Variants in PCDHA3 observed in about 807,000 individuals in gnomAD.
PCDHA3 encodes protocadherin alpha 3.
Under a neutral mutation model 62.2 loss-of-function variants are expected in PCDHA3, and 41 were observed. That is an observed-to-expected ratio of 0.66 (90% CI 0.51 to 0.86). The LOEUF is 0.86. PCDHA3 is among the 40% of genes least tolerant of loss of function. PCDHA3 has a pLI of 0.00. For synonymous variants in PCDHA3, 640 were observed against 555.4 expected (o/e 1.15, Z -2.14); for missense variants, 1,304 against 1,241.2 (o/e 1.05, Z -0.76).
At chr5:140,872,606 AT>A (rs1302987061) in intron 1 of PCDHA3, among the ~76,000 whole-genome samples, 2 of 151,888 alleles carry the variant, frequency 1.3e-5, no homozygotes, top group African/African-American at 2.4e-5. Flanking sequence ...TGAAAAAATA[AT>A]TTTTTTTGCC....
rs2060245016 is a variant in PCDHA3 at position 140,884,536 on chromosome 5, G to C, written c.2394+80945G>C. 5 of 1,614,090 alleles carry C rather than the reference G, an allele frequency of 3.1e-6. No individual in the cohort carries two copies. In the East Asian group the frequency reaches 1.1e-4, roughly 36 times the overall value. ...GGTCGTACTCGCAGCAGAGGCGGCC[G>C]AGGGTGTGCTCTGGGGAGGGCCCGC... On this transcript the variant is annotated intron_variant, in intron 1 of 3. Transcript: ENST00000522353.
intron 1 of PCDHA3, among the ~76,000 whole-genome samples, chr5:140,949,849 G>A (rs1381006146): frequency 5.9e-5 from 9 of 151,472 alleles, no homozygotes; most frequent in Admixed American, 2.0e-4. Flanking sequence ...TTCTGTTTCC[G>A]CTTATCTGTT....
rs2150375246 is a variant in PCDHA3, at chr5:140,844,933, C to T, written c.2394+41342C>T. Among the ~76,000 whole-genome samples the T allele has an allele frequency of 2.7e-5, 4 of 149,222 alleles. 1 individual carries two copies. Among genetic ancestry groups the T allele is most frequent in the Admixed American group, 6.7e-5 (1 of 14,882 alleles). ...GTAGAAATTGATGGAAGGGAATGAA[C>T]GATTTCTGGGACTCTGAATTCTTAC... On this transcript the variant is annotated intron_variant, in intron 1 of 3. Transcript: ENST00000522353.
intron 3 of PCDHA3, among the ~76,000 whole-genome samples, chr5:141,008,567 T>C (rs1171779674): frequency 1.3e-5 from 2 of 152,182 alleles, no homozygotes; most frequent in African/African-American, 4.8e-5. Flanking sequence ...TGCATAATCA[T>C]TTTCCCAAGA....
chr5:140,858,235 A>C, intron 1 of PCDHA3: 2 of 1,596,218 alleles, frequency 1.3e-6, no homozygotes, highest in Non-Finnish European at 1.7e-6. Flanking sequence ...CCGAGGGCGC[A>C]TGTGGGCCGG....
rs2150166154 is a variant in PCDHA3, at chr5:140,829,340, A to G, written c.2394+25749A>G. On this transcript the variant is annotated intron_variant, in intron 1 of 3. Coordinates refer to ENST00000522353, the MANE Select transcript of PCDHA3 (RefSeq NM_018906.3). ...GCTGGACAGTGCCCTGGACCGCGAG[A>G]GCGTGTCGGCCTATGAGTTGGTGGT... is the stretch of plus-strand genomic sequence containing the variant. 2.5e-6 allele frequency: 4 copies of G among 1,614,216 alleles called. No homozygotes were observed. In the South Asian group the frequency reaches 4.4e-5, roughly 18 times the overall value.
intron 3 of PCDHA3, among the ~76,000 whole-genome samples, chr5:140,991,593 C>T (rs2097461164): frequency 6.6e-6 from 1 of 152,196 alleles, no homozygotes; most frequent in South Asian, 2.1e-4. Flanking sequence ...TCTACCTGAG[C>T]CCTCACTGGC....
rs782027925 is a variant in PCDHA3, at chr5:140,877,333, C to G, written c.2394+73742C>G. The G allele has an allele frequency of 2.5e-6, 4 of 1,613,992 alleles. No individual in the cohort carries two copies. The South Asian group carries it at 3.3e-5, about 13-fold the overall frequency. Reference sequence around the variant, plus strand: ...ACCGGCGGCGGTCGGCGCGCACATCCCGTTCCACGTGGGGCTGTACACTGG... The same window carrying G: ...ACCGGCGGCGGTCGGCGCGCACATCGCGTTCCACGTGGGGCTGTACACTGG... On this transcript the variant is annotated intron_variant, in intron 1 of 3. Transcript: ENST00000522353.
chr5:140,842,811 G>T (rs1554139410), intron 1 of PCDHA3: 3 of 1,594,022 alleles, frequency 1.9e-6, no homozygotes, highest in Non-Finnish European at 2.6e-6. Flanking sequence ...CTTGTGGAGC[G>T]GCGGGTGGGC....
At chr5:140,848,664 G>A (rs1470524559) in intron 1 of PCDHA3, 6 of 1,592,252 alleles carry the variant, frequency 3.8e-6, no homozygotes, top group Non-Finnish European at 4.3e-6. Context: ...GCTGGAGCTG[G>A]CGGAGCTGGT....
At chr5:140,895,115 T>C (rs2064854715) in intron 1 of PCDHA3, among the ~76,000 whole-genome samples, 1 of 152,182 alleles carries the variant, frequency 6.6e-6, no homozygotes, top group Non-Finnish European at 1.5e-5. Flanking sequence ...CAAGAAGACA[T>C]TTGTTAGTTG....
intron 1 of PCDHA3, among the ~76,000 whole-genome samples, chr5:140,897,765 C>T (rs1305140331): frequency 6.6e-6 from 1 of 152,216 alleles, no homozygotes; most frequent in Admixed American, 6.5e-5. Flanking sequence ...AATCGCCACA[C>T]TGACTTCCAC....
At chr5:140,882,069 G>T in intron 1 of PCDHA3, 1 of 844,446 alleles carries the variant, frequency 1.2e-6, no homozygotes, top group Non-Finnish European at 1.8e-6. Flanking sequence ...ACGTTCATGC[G>T]CATGGTGTCG....
intron 1 of PCDHA3, among the ~76,000 whole-genome samples, chr5:140,820,375 TA>T (rs1487891425): frequency 6.6e-6 from 1 of 152,006 alleles, no homozygotes; most frequent in Non-Finnish European, 1.5e-5. Context: ...CATTTTCTGG[TA>T]ATTTCTTTTT....
Position 140,849,746 on chromosome 5 carries a change from T to G in PCDHA3, c.2394+46155T>G, listed in dbSNP as rs2150447912. On this transcript the variant is annotated intron_variant, in intron 1 of 3. Transcript: ENST00000522353. ...TGGACAGAGCTCTGGACCGCGAGAG[T>G]GTGTCCGCCTACGAGCTGGTGGTTA... The G allele has an allele frequency of 2.3e-5, 37 of 1,597,844 alleles. 5 individuals carry two copies. Among genetic ancestry groups the G allele is most frequent in the Admixed American group, 6.8e-5 (4 of 59,208 alleles).
chr5:140,843,522 C>A lies in PCDHA3; in HGVS notation c.2394+39931C>A, dbSNP rs1554140167. 1.9e-6 allele frequency: 3 copies of A among 1,595,678 alleles called. No individual in the cohort carries two copies. In the South Asian group the frequency reaches 3.3e-5, roughly 18 times the overall value. On this transcript the variant is annotated intron_variant, in intron 1 of 3. Transcript: ENST00000522353. ...CTGCCCACTGAGGGCGGGTGCCGGGCGGGCAAGCCCACTCTGGTGTGCTCC... is the reference window on the plus strand; with the variant it reads ...CTGCCCACTGAGGGCGGGTGCCGGGAGGGCAAGCCCACTCTGGTGTGCTCC...
chr5:140,871,074 G>T (rs1210767724), intron 1 of PCDHA3: 10 of 1,613,214 alleles, frequency 6.2e-6, no homozygotes, highest in Middle Eastern at 3.3e-4. Context: ...GTGAGCCGGC[G>T]CTGACGGCCA....
intron 1 of PCDHA3, chr5:140,830,375 G>C: frequency 6.2e-7 from 1 of 1,614,172 alleles, no homozygotes; most frequent in Non-Finnish European, 8.5e-7. Context: ...GTGCTCCGGG[G>C]AGGGCCCACC....
intron 1 of PCDHA3, among the ~76,000 whole-genome samples, chr5:140,832,062 A>G (rs1554133455): frequency 6.6e-6 from 1 of 152,224 alleles, no homozygotes. Context: ...TACCAATTTA[A>G]TCTGAGATGT....
Sources: gnomAD v4.1 joint callset for allele counts (sites outside exome capture counted in the v4.1 genomes callset) on GRCh38, gnomAD v4.1.1 for gene constraint, MANE v1.5 for transcripts, NCBI Gene and HGNC (gene_info 2026-07-23, HGNC 2026-07-21) for gene names.